The following HDAC9 variants were observed in gnomAD, a reference collection of about 807,000 sequenced individuals.
The protein encoded by HDAC9 is MEF-2 interacting transcription repressor (MITR) protein.
In HDAC9, 41 loss-of-function variants were observed where a neutral mutation model predicts 139.4. That is an observed-to-expected ratio of 0.29 (90% CI 0.23 to 0.38). HDAC9 has a LOEUF of 0.38. Among genes scored for constraint, HDAC9 ranks in the 10% least tolerant of loss-of-function variants. The probability of loss-of-function intolerance (pLI) is 1.00; values close to 1 mark genes in which losing one functional copy is unlikely to be tolerated. For missense variants in HDAC9, 1,147 were observed against 1,297.0 expected (o/e 0.88, Z 1.78); for synonymous variants, 517 against 476.2 (o/e 1.09, Z -1.12).
At chr7:18,573,167 A>G (rs1824863363) in intron 2 of HDAC9, among the ~76,000 whole-genome samples, 1 of 152,220 alleles carries the variant, frequency 6.6e-6, no homozygotes, top group African/African-American at 2.4e-5. Context: ...TATGCCATGT[A>G]GTAGTTGACT....
intron 1 of HDAC9, among the ~76,000 whole-genome samples, chr7:18,113,715 C>T (rs1475600650): frequency 6.6e-6 from 1 of 152,200 alleles, no homozygotes; most frequent in Non-Finnish European, 1.5e-5. Flanking sequence ...ATTTTGCTTA[C>T]ACTGTCTTAG....
intron 23 of HDAC9, among the ~76,000 whole-genome samples, chr7:18,942,932 C>G (rs1287363287): frequency 6.6e-6 from 1 of 151,596 alleles, no homozygotes; most frequent in Non-Finnish European, 1.5e-5. Context: ...TACAAAATCT[C>G]TTTAATAAAA....
At chr7:18,240,880 C>G (rs1794144857) in intron 2 of HDAC9, among the ~76,000 whole-genome samples, 1 of 152,166 alleles carries the variant, frequency 6.6e-6, no homozygotes, top group Admixed American at 6.6e-5. Flanking sequence ...TCTCTTCTCC[C>G]AGAAATTTGC....
intron 16 of HDAC9, among the ~76,000 whole-genome samples, chr7:18,791,216 G>C (rs1341188754): frequency 6.6e-6 from 1 of 152,100 alleles, no homozygotes; most frequent in Non-Finnish European, 1.5e-5. Context: ...CAAAGCTTAT[G>C]ATGTACTCCA....
At chr7:18,331,810 A>T (rs1800947266) in intron 1 of HDAC9, among the ~76,000 whole-genome samples, 1 of 151,564 alleles carries the variant, frequency 6.6e-6, no homozygotes, top group Non-Finnish European at 1.5e-5. Flanking sequence ...ATATCATAGC[A>T]TTTTTGTCTG....
At chr7:18,366,709 C>T (rs1784207846) in intron 1 of HDAC9, among the ~76,000 whole-genome samples, 1 of 152,092 alleles carries the variant, frequency 6.6e-6, no homozygotes, top group Non-Finnish European at 1.5e-5. Context: ...CAAGGCAGTT[C>T]TCCATCTTTG....
chr7:18,993,571 G>A (rs947777867), intron 25 of HDAC9, among the ~76,000 whole-genome samples: 6 of 152,158 alleles, frequency 3.9e-5, no homozygotes, highest in Non-Finnish European at 5.9e-5. Context: ...GAAGGCTAAA[G>A]CAGGAGGATC....
intron 2 of HDAC9, among the ~76,000 whole-genome samples, chr7:18,184,784 T>A (rs1311947418): frequency 1.3e-5 from 2 of 152,220 alleles, no homozygotes; most frequent in Non-Finnish European, 2.9e-5. Context: ...AAAAAGGATT[T>A]CAGAACAGCT....
At chr7:18,727,444 A>ATTTTTTT in intron 12 of HDAC9, 136 bp from the exon 13 acceptor site, 15 of 630,416 alleles carry the variant, frequency 2.4e-5, no homozygotes, top group South Asian at 4.4e-5. Flanking sequence ...CCCTTTCTCT[A>ATTTTTTT]TTTTTTTTTT....
upstream of HDAC9, among the ~76,000 whole-genome samples, chr7:18,289,052 G>A (rs1797633491): frequency 6.6e-6 from 1 of 152,126 alleles, no homozygotes; most frequent in African/African-American, 2.4e-5. Flanking sequence ...TCCTGAAGAT[G>A]CAAAAGCCAC....
At chr7:18,299,483 T>C (rs771331652) in intron 1 of HDAC9, among the ~76,000 whole-genome samples, 3 of 152,140 alleles carry the variant, frequency 2.0e-5, no homozygotes, top group Non-Finnish European at 4.4e-5. Flanking sequence ...CTGGCGAGGG[T>C]ACTTTTCCAG....
At chr7:18,103,543 C>A (rs1038856326) in intron 1 of HDAC9, among the ~76,000 whole-genome samples, 1 of 152,110 alleles carries the variant, frequency 6.6e-6, no homozygotes, top group Non-Finnish European at 1.5e-5. Flanking sequence ...ATGATGACTT[C>A]TTGAAGCAGA....
intron 1 of HDAC9, among the ~76,000 whole-genome samples, chr7:18,354,145 A>T (rs1274409778): frequency 6.6e-6 from 1 of 152,178 alleles, no homozygotes; most frequent in Admixed American, 6.6e-5. Context: ...ATTCAAATAG[A>T]AAACCTATTT....
chr7:18,799,989 T>G (rs1337591927), intron 17 of HDAC9, among the ~76,000 whole-genome samples: 1 of 152,062 alleles, frequency 6.6e-6, no homozygotes, highest in Non-Finnish European at 1.5e-5. Context: ...AATCCAATGA[T>G]GAGAAAAAAA....
intron 1 of HDAC9, among the ~76,000 whole-genome samples, chr7:18,341,837 AT>A (rs879387031): frequency 7.1e-4 from 107 of 151,730 alleles, no homozygotes; most frequent in Admixed American, 4.3e-3. Context: ...GTCTTGAAAA[AT>A]TTTTTGTACT....
At chr7:18,422,186 G>A (rs570874759) in intron 1 of HDAC9, among the ~76,000 whole-genome samples, 20 of 152,202 alleles carry the variant, frequency 1.3e-4, no homozygotes, top group African/African-American at 4.8e-4. Context: ...CCTAGCATCG[G>A]TCTTCTAGTG....
At chr7:18,591,093 A>G (rs1016926126) in intron 4 of HDAC9, among the ~76,000 whole-genome samples, 2 of 152,212 alleles carry the variant, frequency 1.3e-5, no homozygotes, top group African/African-American at 4.8e-5. Flanking sequence ...TAAGGTTTTC[A>G]AACTAGCAAC....
At chr7:18,261,465 C>T (rs1210978887) in intron 2 of HDAC9, among the ~76,000 whole-genome samples, 1 of 152,140 alleles carries the variant, frequency 6.6e-6, no homozygotes, top group African/African-American at 2.4e-5. Context: ...ACATATACCA[C>T]AGTTCAGTCC....
chr7:18,206,930 C>CTTTT (rs58248823), intron 2 of HDAC9, among the ~76,000 whole-genome samples: 2 of 124,540 alleles, frequency 1.6e-5, no homozygotes, highest in Non-Finnish European at 3.4e-5. Flanking sequence ...GATATCTTTT[C>CTTTT]TTTTTTTTTT....
Sources: allele counts gnomAD v4.1 joint callset (sites outside exome capture counted in the v4.1 genomes callset), GRCh38; gene constraint gnomAD v4.1.1; transcripts MANE v1.5; gene names NCBI Gene and HGNC (gene_info 2026-07-23, HGNC 2026-07-21).